The following PATJ variants were observed in gnomAD, a reference collection of about 807,000 sequenced individuals.
The protein encoded by PATJ is PATJ crumbs cell polarity complex component.
PATJ carries 190 observed loss-of-function variants against 224.9 expected under a neutral mutation model. The observed-to-expected ratio is 0.84, with a 90% CI of 0.75 to 0.95. The LOEUF is 0.95. Ranked by LOEUF, PATJ falls within the 40% of genes least tolerant of loss-of-function variation. The pLI is 0.00. For missense variants in PATJ, 2,121 were observed against 2,270.3 expected (o/e 0.93, Z 1.34); for synonymous variants, 769 against 820.3 (o/e 0.94, Z 1.07).
intron 29 of PATJ, among the ~76,000 whole-genome samples, chr1:62,028,904 A>G (rs1648588973): frequency 6.6e-6 from 1 of 152,124 alleles, no homozygotes; most frequent in South Asian, 2.1e-4. Context: ...CAAGTCTACA[A>G]TGAGCTATGA....
At chr1:62,052,739 C>G (rs1486199360) in intron 31 of PATJ, among the ~76,000 whole-genome samples, 5 of 150,962 alleles carry the variant, frequency 3.3e-5, no homozygotes, top group African/African-American at 2.4e-5. Flanking sequence ...GAGTGAACCT[C>G]CGTCTCAAAA....
At chr1:61,893,851 CT>C (rs541963913) in intron 22 of PATJ, among the ~76,000 whole-genome samples, 82 of 144,278 alleles carry the variant, frequency 5.7e-4, no homozygotes, top group East Asian at 1.0e-3. Flanking sequence ...AAATACCTGC[CT>C]TTTTTTTTTT....
chr1:62,089,608 A>G (rs1263782457), intron 33 of PATJ, among the ~76,000 whole-genome samples: 1 of 152,114 alleles, frequency 6.6e-6, no homozygotes, highest in Admixed American at 6.6e-5. Flanking sequence ...CTGAACAGTG[A>G]GGGTTGGAAA....
At chr1:61,894,280 A>AAAC (rs1670049287) in intron 22 of PATJ, among the ~76,000 whole-genome samples, 1 of 151,970 alleles carries the variant, frequency 6.6e-6, no homozygotes, top group African/African-American at 2.4e-5. Context: ...CACAAAAAAA[A>AAAC]AACAGAGAAT....
At chr1:61,858,651 CT>C (rs759154167) in intron 18 of PATJ, among the ~76,000 whole-genome samples, 6 of 152,182 alleles carry the variant, frequency 3.9e-5, no homozygotes, top group Non-Finnish European at 7.3e-5. Context: ...GGATCCACCC[CT>C]GTCACCCAAA....
At chr1:61,781,503 T>C (rs1570452311) in intron 7 of PATJ, among the ~76,000 whole-genome samples, 1 of 152,230 alleles carries the variant, frequency 6.6e-6, no homozygotes, top group Non-Finnish European at 1.5e-5. Flanking sequence ...CCTCAGGCCC[T>C]AGGCTATGGC....
intron 11 of PATJ, among the ~76,000 whole-genome samples, chr1:61,799,604 T>C (rs1652051435): frequency 6.6e-6 from 1 of 152,212 alleles, no homozygotes; most frequent in African/African-American, 2.4e-5. Flanking sequence ...GTTTGTTACA[T>C]GGATATATAT....
chr1:61,814,161 AG>A (rs1406028871), intron 14 of PATJ, among the ~76,000 whole-genome samples: 26 of 102,334 alleles, frequency 2.5e-4, no homozygotes, highest in African/African-American at 9.7e-4. Context: ...TTTGAGATTC[AG>A]TGATTCAGTC....
chr1:61,752,336 C>T (rs1162646732), intron 1 of PATJ, among the ~76,000 whole-genome samples: 16 of 109,928 alleles, frequency 1.5e-4, no homozygotes, highest in African/African-American at 4.6e-4. Context: ...TTTTTTAAGA[C>T]GGAGTCTTGC....
In PATJ at chr1:62,027,842, C is replaced by T. The variant is rs1167677690; in HGVS notation, c.3959+9895C>T. Among the ~76,000 whole-genome samples the T allele has an allele frequency of 4.0e-5, 6 of 148,586 alleles. No individual in the cohort carries two copies. The East Asian group carries it at 1.2e-3, about 29-fold the overall frequency. On this transcript the variant is annotated intron_variant, in intron 29 of 43. Coordinates refer to ENST00000642238, the MANE Select transcript of PATJ (RefSeq NM_001350145.3). ...TTTTTTAATGAGATTGTTTGTTTTGCTGTTGTTGAGTTATGGGAGTCTTTA... is the reference window on the plus strand; with the variant it reads ...TTTTTTAATGAGATTGTTTGTTTTGTTGTTGTTGAGTTATGGGAGTCTTTA...
chr1:61,768,784 C>G (rs191752837), intron 4 of PATJ, among the ~76,000 whole-genome samples: 107 of 151,878 alleles, frequency 7.0e-4, no homozygotes, highest in Admixed American at 1.9e-3. Flanking sequence ...CCTATAGTCC[C>G]AGCTACCCAG....
At position 61,864,323 on chromosome 1, in the gene PATJ, AAGAGAT is replaced by A. The variant is rs1254612495; in HGVS notation, c.2530_2535del (p.Ile844_Glu845del). On this transcript the variant is annotated inframe_deletion, in exon 20 of 44. Transcript: ENST00000642238. ...GGAAAGTCTTTCCATTCCCAACAAA[AAGAGAT>A]AGAGCAAAGCAAGGAGGCCTGGGAG... The A allele has an allele frequency of 6.2e-7, 1 of 1,613,990 alleles. No homozygotes were observed. Among genetic ancestry groups the A allele is most frequent in the African/African-American group, 1.3e-5 (1 of 74,942 alleles).
chr1:61,791,857 G>A (rs533002606), intron 9 of PATJ, among the ~76,000 whole-genome samples: 230 of 151,902 alleles, frequency 1.5e-3, no homozygotes, highest in Non-Finnish European at 2.5e-3. Context: ...GTTAAAACAA[G>A]CATTTTCATT....
At chr1:61,911,228 G>A (rs1672589385) in intron 25 of PATJ, among the ~76,000 whole-genome samples, 2 of 152,052 alleles carry the variant, frequency 1.3e-5, no homozygotes, top group Admixed American at 1.3e-4. Context: ...TTGTTTGTTT[G>A]TTTTGGGACA....
chr1:61,743,195 C>T (rs986704562), intron 1 of PATJ, among the ~76,000 whole-genome samples: 1 of 152,188 alleles, frequency 6.6e-6, no homozygotes, highest in African/African-American at 2.4e-5. Context: ...AGCCTTGCTG[C>T]GTAGATGGGG....
At chr1:61,749,795 C>G (rs765745630) in intron 1 of PATJ, among the ~76,000 whole-genome samples, 1 of 152,008 alleles carries the variant, frequency 6.6e-6, no homozygotes, top group Non-Finnish European at 1.5e-5. Context: ...CCTCCCACCT[C>G]AGTCTCCTGA....
intron 15 of PATJ, among the ~76,000 whole-genome samples, chr1:61,823,691 T>C (rs1657695885): frequency 6.6e-6 from 1 of 152,206 alleles, no homozygotes; most frequent in African/African-American, 2.4e-5. Flanking sequence ...AGAATCAACC[T>C]AGTAGCTTTA....
At chr1:61,787,727 C>A in intron 7 of PATJ, 27 bp from the exon 8 acceptor site, 1 of 1,541,996 alleles carries the variant, frequency 6.5e-7, no homozygotes, top group Non-Finnish European at 9.0e-7. Context: ...ATTTATTTCT[C>A]AAAATAATTT....
intron 27 of PATJ, chr1:61,952,385 C>A: frequency 1.4e-6 from 1 of 717,154 alleles, no homozygotes; most frequent in Non-Finnish European, 2.6e-6. Flanking sequence ...GAAGGGAACA[C>A]AACAATGGTC....
Sources: allele counts gnomAD v4.1 joint callset (sites outside exome capture counted in the v4.1 genomes callset), GRCh38; gene constraint gnomAD v4.1.1; transcripts MANE v1.5; gene names NCBI Gene and HGNC (gene_info 2026-07-23, HGNC 2026-07-21).